DPY19L1: variants seen among roughly 807,000 people sequenced by gnomAD.
DPY19L1 encodes dpy-19 like C-mannosyltransferase 1.
In DPY19L1, 35 loss-of-function variants were observed where a neutral mutation model predicts 96.9. The observed-to-expected ratio is 0.36, with a 90% CI of 0.28 to 0.48. DPY19L1 has a LOEUF of 0.48. Ranked by LOEUF, DPY19L1 falls within the 20% of genes least tolerant of loss-of-function variation. The pLI is 0.99. For synonymous variants in DPY19L1, 205 were observed against 252.6 expected (o/e 0.81, Z 1.79); for missense variants, 521 against 777.9 (o/e 0.67, Z 3.93).
chr7:34,945,643 T>C (rs564125025), intron 16 of DPY19L1, 24 bp downstream of exon 16: 26 of 1,521,112 alleles, frequency 1.7e-5, no homozygotes, highest in Non-Finnish European at 2.2e-5. Flanking sequence ...GAGGAGGTAA[T>C]AAAATTCTTA....
intron 4 of DPY19L1, among the ~76,000 whole-genome samples, chr7:35,013,058 T>C (rs1486121636): frequency 6.6e-6 from 1 of 152,208 alleles, no homozygotes; most frequent in East Asian, 1.9e-4. Flanking sequence ...TGCTGGTGGA[T>C]AGTTCAATAT....
chr7:34,933,109 C>T (rs890970158), intron 21 of DPY19L1, among the ~76,000 whole-genome samples: 1 of 151,938 alleles, frequency 6.6e-6, no homozygotes, highest in Non-Finnish European at 1.5e-5. Flanking sequence ...CTTCTATAAA[C>T]AATCCAGCAT....
chr7:34,974,398 C>T (rs1334571035), intron 7 of DPY19L1, among the ~76,000 whole-genome samples: 1 of 152,178 alleles, frequency 6.6e-6, no homozygotes, highest in East Asian at 1.9e-4. Flanking sequence ...CACAGAATGA[C>T]AAAGACCATG....
At chr7:34,950,395 A>G (rs1784245347) in intron 13 of DPY19L1, among the ~76,000 whole-genome samples, 1 of 152,238 alleles carries the variant, frequency 6.6e-6, no homozygotes, top group Admixed American at 6.5e-5. Context: ...ATCACCTCTC[A>G]TATAATTATT....
Position 34,978,571 on chromosome 7 carries a change from T to A in DPY19L1, c.823-4966A>T, listed in dbSNP as rs142959396. Among the ~76,000 whole-genome samples the A allele has an allele frequency of 2.2e-3, 329 of 152,162 alleles. 4 individuals are homozygous for A. The highest frequency in any genetic ancestry group is 7.7e-3 in the African/African-American group (320 of 41,528). On this transcript the variant is annotated intron_variant, in intron 7 of 21. Coordinates refer to ENST00000638088, the MANE Select transcript of DPY19L1 (RefSeq NM_001366673.1). ...TTTGATGCTACTTAGGGCAGTTCCA[T>A]TATTTAGGAAGACCCTTAGTTTGGA...
At chr7:34,988,587 A>G (rs1584239483) in intron 7 of DPY19L1, among the ~76,000 whole-genome samples, 1 of 152,304 alleles carries the variant, frequency 6.6e-6, no homozygotes, top group Admixed American at 6.5e-5. Context: ...GAAGTCCAGC[A>G]TTGACTCTGC....
intron 6 of DPY19L1, among the ~76,000 whole-genome samples, chr7:34,997,367 C>T (rs557979798): frequency 2.9e-5 from 4 of 139,738 alleles, no homozygotes; most frequent in East Asian, 2.1e-4. Context: ...CCGAGGCGGG[C>T]GGATCACAAC....
Position 35,010,668 on chromosome 7 carries a change from A to G in DPY19L1, c.671-107T>C. On this transcript the variant is annotated intron_variant, in intron 5 of 21. Coordinates refer to ENST00000638088, the MANE Select transcript of DPY19L1 (RefSeq NM_001366673.1). ...TTCATTTTGAAAATGGTTGCCAGAT[A>G]TATTAAATAGCTGCCTTGGTTCCCA... The G allele has an allele frequency of 2.6e-5, 20 of 778,342 alleles. No homozygotes were observed. The South Asian group carries it at 3.0e-4, about 12-fold the overall frequency. 48.2% of individuals were successfully genotyped at this position (778,342 alleles called of 1,614,324 possible). A position where few individuals can be genotyped will look rare whatever the true frequency, so the allele number is the denominator to read the frequency against.
At chr7:34,989,475 G>C (rs1785117323) in intron 7 of DPY19L1, among the ~76,000 whole-genome samples, 1 of 152,002 alleles carries the variant, frequency 6.6e-6, no homozygotes, top group Non-Finnish European at 1.5e-5. Flanking sequence ...AACTAGCTGA[G>C]TGTGGTGATA....
chr7:34,936,825 C>T (rs1783878184), intron 21 of DPY19L1, among the ~76,000 whole-genome samples: 2 of 152,172 alleles, frequency 1.3e-5, no homozygotes, highest in African/African-American at 4.8e-5. Context: ...TACTATGTCA[C>T]AGAACTATTT....
Position 34,931,607 on chromosome 7 carries a change from C to G in DPY19L1, c.2213G>C (p.Ser738Thr). ...KPHFTTVFQN[S>T]VYKVLEVVKE ...TACAACTTCTAGGACTTTGTAAACA[C>G]TGTTCTGGAATACAGTGGTGAAGTG... is the stretch of plus-strand genomic sequence containing the variant. The change falls in exon 22 of 22, where the codon AGT (serine) becomes ACT (threonine). Residue 738 changes from serine to threonine, a missense_variant. By Grantham distance (58) the Ser-to-Thr change is moderately conservative. Transcript: ENST00000638088. 1.9e-6 allele frequency: 3 copies of G among 1,554,984 alleles called. No homozygotes were observed. Among genetic ancestry groups the G allele is most frequent in the Non-Finnish European group, 2.6e-6 (3 of 1,155,870 alleles).
rs757553956 is a variant in DPY19L1, at chr7:35,013,556, A to G, written c.549+12T>C. The G allele has an allele frequency of 3.1e-6, 5 of 1,605,388 alleles. No individual in the cohort carries two copies. Among genetic ancestry groups the G allele is most frequent in the African/African-American group, 2.7e-5 (2 of 74,686 alleles). ...CAAAAGTGAAAAATCACAATTGGAA[A>G]AAGTACCTTACCTCAGGGTAAAGAT... is the stretch of plus-strand genomic sequence containing the variant. On this transcript the variant is annotated intron_variant, in intron 4 of 21. Transcript: ENST00000638088.
rs1381049982 is a variant in DPY19L1 at position 35,018,693 on chromosome 7, T to C, written c.299-97A>G. 4 of 1,131,446 alleles carry C rather than the reference T, an allele frequency of 3.5e-6. No homozygotes were observed. The Admixed American group carries it at 8.7e-5, about 25-fold the overall frequency. The allele number at this position is 1,131,446 out of a possible 1,614,324, so 70.1% of individuals were successfully genotyped here. On this transcript the variant is annotated intron_variant, in intron 1 of 21. Transcript: ENST00000638088. The stretch of plus-strand genomic sequence containing the variant: ...AGATAAAGCATGTCAAATATTGAAA[T>C]GTGTAAAAAAGAATACTGGGTCTTC...
chr7:34,976,979 G>T (rs558816515), intron 7 of DPY19L1, among the ~76,000 whole-genome samples: 1 of 152,020 alleles, frequency 6.6e-6, no homozygotes, highest in South Asian at 2.1e-4. Context: ...AATAGAGAAA[G>T]GGTTTCACCA....
rs1295236058 is a variant in DPY19L1 at position 34,969,468 on chromosome 7, G to A, written c.979C>T (p.Pro327Ser). 1 of 1,578,380 alleles carries A rather than the reference G, an allele frequency of 6.3e-7. No individual in the cohort carries two copies. Among genetic ancestry groups the A allele is most frequent in the Non-Finnish European group, 8.6e-7 (1 of 1,163,918 alleles). Residue 327 changes from proline (P) to serine (S), a missense_variant, in exon 9 of 22, where the codon CCT (proline) becomes TCT (serine). Physicochemically the swap from Pro to Ser is moderately conservative, Grantham distance 74. Coordinates refer to ENST00000638088, the MANE Select transcript of DPY19L1 (RefSeq NM_001366673.1). The part of the protein sequence containing the change: ...LCISNVFFML[P>S]WQFAQFVLLT... ...AGTACAAACTGAGCAAACTGCCAAG[G>A]AAGCATGAAAAATACATTGGAAATG...
At chr7:35,037,717 C>T, upstream of DPY19L1, 1 of 676,174 alleles carries the variant, frequency 1.5e-6, no homozygotes, top group Non-Finnish European at 1.8e-6. Context: ...CCGCCCCCGC[C>T]GCCCCTCTGC....
chr7:35,009,948 T>C (rs892349178), intron 6 of DPY19L1, among the ~76,000 whole-genome samples: 1 of 152,126 alleles, frequency 6.6e-6, no homozygotes, highest in African/African-American at 2.4e-5. Flanking sequence ...TCAAAATTTA[T>C]GCCAGGCACT....
intron 6 of DPY19L1, among the ~76,000 whole-genome samples, chr7:34,996,359 C>T (rs1184453047): frequency 3.3e-5 from 5 of 152,188 alleles, no homozygotes; most frequent in East Asian, 1.9e-4. Flanking sequence ...TCAACTCCTA[C>T]GCAGACCTCT....
At chr7:35,000,793 T>G (rs1262744763) in intron 6 of DPY19L1, 1 of 152,252 alleles carries the variant, frequency 6.6e-6, no homozygotes, top group Non-Finnish European at 1.5e-5. Flanking sequence ...GTCATGTATC[T>G]TTAAAACATT....
Sources: allele counts gnomAD v4.1 joint callset (sites outside exome capture counted in the v4.1 genomes callset), GRCh38; gene constraint gnomAD v4.1.1; transcripts MANE v1.5; gene names NCBI Gene and HGNC (gene_info 2026-07-23, HGNC 2026-07-21).